CTNNA2: variants seen among roughly 807,000 people sequenced by gnomAD.
CTNNA2 encodes catenin alpha 2.
CTNNA2 carries 42 observed loss-of-function variants against 101.0 expected under a neutral mutation model. The observed-to-expected ratio is 0.42, with a 90% CI of 0.32 to 0.54. The LOEUF is 0.54. Among genes scored for constraint, CTNNA2 ranks in the 20% least tolerant of loss-of-function variants. The probability of loss-of-function intolerance (pLI) is 0.14; values close to 1 mark genes in which losing one functional copy is unlikely to be tolerated. For synonymous variants in CTNNA2, 450 were observed against 456.4 expected, an observed-to-expected ratio of 0.99 and a Z score of 0.18; for missense variants, 871 against 1,223.1, an observed-to-expected ratio of 0.71 and a Z score of 4.29.
chr2:79,240,739 G>A (rs1674616090), intron 2 of CTNNA2, among the ~76,000 whole-genome samples: 1 of 152,152 alleles, frequency 6.6e-6, no homozygotes, highest in Non-Finnish European at 1.5e-5. Flanking sequence ...TCAGTTAATG[G>A]AGTGAGGTTT....
chr2:80,413,399 T>G (rs928227157), intron 8 of CTNNA2, among the ~76,000 whole-genome samples: 2 of 152,208 alleles, frequency 1.3e-5, no homozygotes, highest in Non-Finnish European at 2.9e-5. Flanking sequence ...TTCGTGTTTC[T>G]CGTATAAGGA....
chr2:79,601,443 C>T (rs978378139), intron 1 of CTNNA2, among the ~76,000 whole-genome samples: 1 of 152,218 alleles, frequency 6.6e-6, no homozygotes, highest in Admixed American at 6.5e-5. Context: ...GGCTCTCATA[C>T]TCTGCAACTG....
chr2:79,903,955 A>G (rs1685241361), intron 6 of CTNNA2, among the ~76,000 whole-genome samples: 1 of 152,180 alleles, frequency 6.6e-6, no homozygotes, highest in African/African-American at 2.4e-5. Context: ...AGTTTAACTC[A>G]GAGGAGAGTG....
intron 4 of CTNNA2, among the ~76,000 whole-genome samples, chr2:79,419,677 A>T (rs930361305): frequency 1.3e-5 from 2 of 152,186 alleles, no homozygotes. Context: ...TCTAGTAAAA[A>T]GAAACCCTTT....
At chr2:80,120,783 T>TATTTAATA (rs1701786389) in intron 7 of CTNNA2, among the ~76,000 whole-genome samples, 1 of 152,184 alleles carries the variant, frequency 6.6e-6, no homozygotes, top group Non-Finnish European at 1.5e-5. Flanking sequence ...GGCGTATACC[T>TATTTAATA]AGACTCATCT....
intron 2 of CTNNA2, among the ~76,000 whole-genome samples, chr2:79,670,405 G>T (rs1240282864): frequency 6.6e-6 from 1 of 152,306 alleles, no homozygotes; most frequent in East Asian, 1.9e-4. Flanking sequence ...ACCTGGGTCT[G>T]CAGTTGCGAT....
At chr2:79,431,289 A>G (rs1678656775) in intron 4 of CTNNA2, among the ~76,000 whole-genome samples, 1 of 152,180 alleles carries the variant, frequency 6.6e-6, no homozygotes, top group Non-Finnish European at 1.5e-5. Context: ...TAAGAATTGC[A>G]ACTACTTTAT....
chr2:80,513,052 A>G (rs1221644850), intron 9 of CTNNA2, among the ~76,000 whole-genome samples: 1 of 152,174 alleles, frequency 6.6e-6, no homozygotes, highest in Non-Finnish European at 1.5e-5. Flanking sequence ...TGCTTACACA[A>G]GAGAGTATAC....
chr2:79,837,744 G>A (rs1484562078), intron 3 of CTNNA2, among the ~76,000 whole-genome samples: 1 of 151,718 alleles, frequency 6.6e-6, no homozygotes, highest in Non-Finnish European at 1.5e-5. Context: ...AAAGTAGAAA[G>A]TGTGTTTTTT....
At chr2:80,287,168 G>C (rs1674841034) in intron 7 of CTNNA2, among the ~76,000 whole-genome samples, 2 of 152,156 alleles carry the variant, frequency 1.3e-5, no homozygotes, top group South Asian at 4.1e-4. Flanking sequence ...TTTACAACTT[G>C]AGATGGATAT....
In CTNNA2 at chr2:80,545,022, G is replaced by A; in HGVS notation, c.1331G>A (p.Gly444Glu). 1.9e-6 allele frequency: 3 copies of A among 1,614,002 alleles called. No homozygotes were observed. The highest frequency in any genetic ancestry group is 2.5e-6 in the Non-Finnish European group (3 of 1,179,938). ...LACSISNNEE[G>E]VKLVRMAATQ... ...TGTTCCATCTCCAACAATGAAGAAG[G>A]GGTGAAATTAGTTCGGATGGCAGCC... Residue 444 changes from glycine (G) to glutamate (E), a missense_variant, in exon 10 of 19, where the codon GGG (glycine) becomes GAG (glutamate). Around this residue, in one of 5 missense-constraint regions of CTNNA2, gnomAD observed 647 missense variants for 831.5 expected, o/e 0.78. Coordinates refer to ENST00000402739, the MANE Select transcript of CTNNA2 (RefSeq NM_001282597.3).
chr2:79,901,391 A>T (rs1366821435), intron 6 of CTNNA2, among the ~76,000 whole-genome samples: 1 of 152,084 alleles, frequency 6.6e-6, no homozygotes, highest in African/African-American at 2.4e-5. Flanking sequence ...GTTGCCTTGA[A>T]CTATGAAGGT....
chr2:80,134,093 A>G (rs1375672518), intron 7 of CTNNA2, among the ~76,000 whole-genome samples: 1 of 152,190 alleles, frequency 6.6e-6, no homozygotes, highest in Non-Finnish European at 1.5e-5. Flanking sequence ...TGTTGGGAAA[A>G]TTAACCCAGA....
At chr2:79,565,418 C>T (rs1675049717) in intron 1 of CTNNA2, among the ~76,000 whole-genome samples, 1 of 152,064 alleles carries the variant, frequency 6.6e-6, no homozygotes, top group African/African-American at 2.4e-5. Context: ...ACTCCTCTCT[C>T]AGTGTGCGGT....
At chr2:79,493,548 G>A (rs1017065514) in intron 4 of CTNNA2, among the ~76,000 whole-genome samples, 48 of 152,198 alleles carry the variant, frequency 3.2e-4, no homozygotes, top group African/African-American at 1.1e-3. Flanking sequence ...CCCGGGAGGC[G>A]GAGGTTGCAG....
At chr2:79,808,969 G>A (rs1342226496) in intron 3 of CTNNA2, among the ~76,000 whole-genome samples, 2 of 152,022 alleles carry the variant, frequency 1.3e-5, no homozygotes, top group South Asian at 2.1e-4. Flanking sequence ...ACCCTGGTGT[G>A]TGATGTTCCC....
intron 7 of CTNNA2, among the ~76,000 whole-genome samples, chr2:80,247,080 G>A (rs1366212136): frequency 1.3e-5 from 2 of 152,178 alleles, no homozygotes; most frequent in South Asian, 2.1e-4. Flanking sequence ...CAATGAAGAA[G>A]TAGTAAAAAT....
At chr2:79,994,379 G>A (rs1056783062) in intron 7 of CTNNA2, among the ~76,000 whole-genome samples, 3 of 152,180 alleles carry the variant, frequency 2.0e-5, no homozygotes, top group Non-Finnish European at 2.9e-5. Flanking sequence ...TTTACCTGCT[G>A]TACTTTGTCG....
chr2:80,591,791 T>C (rs1232221302), intron 15 of CTNNA2, among the ~76,000 whole-genome samples: 1 of 152,096 alleles, frequency 6.6e-6, no homozygotes, highest in Non-Finnish European at 1.5e-5. Flanking sequence ...TTAATTTGAT[T>C]CAGTAATCTC....
Sources: gnomAD v4.1 joint callset for allele counts (sites outside exome capture counted in the v4.1 genomes callset) on GRCh38, gnomAD v4.1.1 for gene constraint, gnomAD v4.1.1 regional missense constraint, MANE v1.5 for transcripts, NCBI Gene and HGNC (gene_info 2026-07-23, HGNC 2026-07-21) for gene names.